Variants in TRPM6 observed in about 807,000 individuals in gnomAD.
TRPM6 encodes the protein channel kinase 2.
TRPM6 carries 111 observed loss-of-function variants against 247.6 expected under a neutral mutation model. The observed-to-expected ratio is 0.45, with a 90% CI of 0.38 to 0.52. The LOEUF is 0.52. Ranked by LOEUF, TRPM6 falls within the 20% of genes least tolerant of loss-of-function variation. The probability of loss-of-function intolerance (pLI) is 0.00; values close to 1 mark genes in which losing one functional copy is unlikely to be tolerated. For synonymous variants in TRPM6, 892 were observed against 853.8 expected, an observed-to-expected ratio of 1.04 and a Z score of -0.78; for missense variants, 2,126 against 2,421.5, an observed-to-expected ratio of 0.88 and a Z score of 2.56.
intron 9 of TRPM6, among the ~76,000 whole-genome samples, chr9:74,818,510 C>T (rs376742542): frequency 1.1e-4 from 16 of 152,102 alleles, no homozygotes; most frequent in South Asian, 6.2e-4. Flanking sequence ...ACCATGTTGG[C>T]CAGGCTGGTC....
chr9:74,736,003 G>A (rs72730940), intron 36 of TRPM6, among the ~76,000 whole-genome samples: 2,797 of 152,330 alleles, frequency 0.018, 45 homozygotes, highest in Non-Finnish European at 0.027. Context: ...TGAAGCTGCA[G>A]TCTCTCTGCA....
intron 17 of TRPM6, 100 bp downstream of exon 17, chr9:74,800,154 G>T: frequency 8.9e-7 from 1 of 1,121,456 alleles, no homozygotes; most frequent in Non-Finnish European, 1.3e-6. Flanking sequence ...ATATTAACTG[G>T]TTTTCCTGAA....
At chr9:74,824,878 T>C (rs922884498) in intron 7 of TRPM6, among the ~76,000 whole-genome samples, 1 of 151,422 alleles carries the variant, frequency 6.6e-6, no homozygotes, top group African/African-American at 2.5e-5. Context: ...CTTTATAATG[T>C]GAGTCTTTTT....
At chr9:74,744,012 G>T in intron 32 of TRPM6, 83 bp downstream of exon 32, 1 of 1,375,054 alleles carries the variant, frequency 7.3e-7, no homozygotes, top group South Asian at 1.2e-5. Flanking sequence ...CAGTAACACA[G>T]AATTTGTCAG....
At chr9:74,757,982 C>T (rs927905737) in intron 27 of TRPM6, among the ~76,000 whole-genome samples, 2 of 152,024 alleles carry the variant, frequency 1.3e-5, no homozygotes, top group East Asian at 3.8e-4. Context: ...AACCACAGAT[C>T]TCAAAGACAA....
intron 14 of TRPM6, among the ~76,000 whole-genome samples, chr9:74,807,325 A>G (rs1828559358): frequency 6.6e-6 from 1 of 152,170 alleles, no homozygotes; most frequent in Non-Finnish European, 1.5e-5. Flanking sequence ...TGAATATCCA[A>G]AGGCTGTGCC....
chr9:74,856,411 ACGTGGG>A (rs1830522941), intron 2 of TRPM6, among the ~76,000 whole-genome samples: 1 of 151,716 alleles, frequency 6.6e-6, no homozygotes, highest in South Asian at 2.1e-4. Flanking sequence ...CTGTACTGCA[ACGTGGG>A]GGACACAGCA....
chr9:74,800,595 A>C, intron 16 of TRPM6, 113 bp from the exon 17 acceptor site: 1 of 776,370 alleles, frequency 1.3e-6, no homozygotes, highest in Non-Finnish European at 2.2e-6. Flanking sequence ...AGGCTCAGAA[A>C]ATATCAATTC....
At chr9:74,726,835 C>T (rs958977665) in intron 38 of TRPM6, among the ~76,000 whole-genome samples, 2 of 152,188 alleles carry the variant, frequency 1.3e-5, no homozygotes, top group African/African-American at 4.8e-5. Context: ...ACCTGGAGGT[C>T]CTGATGACTC....
Position 74,744,118 on chromosome 9 carries a change from T to C in TRPM6, c.5111A>G (p.Gln1704Arg), listed in dbSNP as rs1825954156. The C allele has an allele frequency of 6.2e-7, 1 of 1,613,978 alleles. No individual in the cohort carries two copies. The highest frequency in any genetic ancestry group is 1.1e-5 in the South Asian group (1 of 91,094). ...DKISASLKSP[Q>R]EPHHHYSAIE... ...ACCTGAATAATGATGGTGAGGCTCT[T>C]GAGGGCTTTTTAAGGAGGCTGAGAT... Residue 1704 changes from glutamine to arginine, a missense_variant, in exon 32 of 39, where the codon CAA (glutamine) becomes CGA (arginine). Transcript: ENST00000360774.
chr9:74,821,707 G>A lies in TRPM6; in HGVS notation c.972C>T (p.Asp324=). The A allele has an allele frequency of 1.2e-6, 2 of 1,614,194 alleles. No homozygotes were observed. The highest frequency in any genetic ancestry group is 1.7e-6 in the Non-Finnish European group (2 of 1,180,038). ...VVCEGTGRAA[D]LLAFTHKHLA... The stretch of plus-strand genomic sequence containing the variant: ...GGTGTTTGTGTGTGAAGGCCAGGAG[G>A]TCAGCCGCCCTACCTGTGCCCTCAC... The change falls in exon 8 of 39, where the codon GAC becomes GAT. Residue 324 remains aspartate (D), a synonymous_variant. Coordinates refer to ENST00000360774, the MANE Select transcript of TRPM6 (RefSeq NM_017662.5).
chr9:74,762,962 G>A lies in TRPM6; in HGVS notation c.3709C>T (p.Leu1237Phe), dbSNP rs761039734. The change falls in exon 26 of 39, where the codon CTC becomes TTC. Residue 1237 changes from leucine to phenylalanine, a missense_variant. By Grantham distance (22) the Leu-to-Phe change is conservative. Coordinates refer to ENST00000360774, the MANE Select transcript of TRPM6 (RefSeq NM_017662.5). ...GTAGAATGCTTTCTCTTGGCCAGGA[G>A]AGCCTCATCCTCTTGCAAAGTGTCA... ...AVDTLQEDEA[L>F]LAKRKHSTCK... 2 of 1,608,968 alleles carry A rather than the reference G, an allele frequency of 1.2e-6. No individual in the cohort carries two copies. The highest frequency in any genetic ancestry group is 1.7e-6 in the Non-Finnish European group (2 of 1,176,336).
At chr9:74,735,692 G>A (rs1381360353) in intron 36 of TRPM6, among the ~76,000 whole-genome samples, 2 of 152,118 alleles carry the variant, frequency 1.3e-5, no homozygotes, top group Non-Finnish European at 2.9e-5. Context: ...GGGAACTAAA[G>A]GTTGGATTTT....
chr9:74,789,789 G>A (rs1262568458), intron 19 of TRPM6, among the ~76,000 whole-genome samples: 5 of 151,726 alleles, frequency 3.3e-5, no homozygotes, highest in African/African-American at 4.8e-5. Flanking sequence ...GTGAAACCCC[G>A]TCTCTACTAA....
chr9:74,806,149 T>C (rs1170865586), intron 14 of TRPM6, among the ~76,000 whole-genome samples: 1 of 152,142 alleles, frequency 6.6e-6, no homozygotes, highest in South Asian at 2.1e-4. Flanking sequence ...TGGCCATTGT[T>C]GCTATTATTG....
intron 32 of TRPM6, among the ~76,000 whole-genome samples, chr9:74,743,398 C>T (rs949333759): frequency 3.9e-5 from 6 of 152,206 alleles, no homozygotes; most frequent in African/African-American, 1.4e-4. Flanking sequence ...AAAAGGCTTG[C>T]CCATGTATTA....
intron 38 of TRPM6, among the ~76,000 whole-genome samples, 186 bp from the exon 39 acceptor site, chr9:74,724,932 C>T (rs1262073977): frequency 6.6e-6 from 1 of 152,208 alleles, no homozygotes; most frequent in Non-Finnish European, 1.5e-5. Flanking sequence ...CAATACCCCC[C>T]TTCCTTCCCT....
At chr9:74,884,545 G>A (rs941645770) in intron 1 of TRPM6, among the ~76,000 whole-genome samples, 2 of 106,326 alleles carry the variant, frequency 1.9e-5, no homozygotes, top group South Asian at 3.3e-4. Flanking sequence ...ACATACATAC[G>A]TATATAAAAG....
intron 6 of TRPM6, among the ~76,000 whole-genome samples, chr9:74,830,355 T>C (rs554471285): frequency 1.3e-5 from 2 of 151,984 alleles, no homozygotes; most frequent in African/African-American, 4.8e-5. Flanking sequence ...TTGAAAATAA[T>C]ATGAATTGTT....
Sources: allele counts gnomAD v4.1 joint callset (sites outside exome capture counted in the v4.1 genomes callset), GRCh38; gene constraint gnomAD v4.1.1; transcripts MANE v1.5; gene names NCBI Gene and HGNC (gene_info 2026-07-23, HGNC 2026-07-21).